Variants in FLT1 observed in about 807,000 individuals in gnomAD.
FLT1 encodes the protein fms related receptor tyrosine kinase 1, also known as vascular endothelial growth factor receptor 1.
FLT1 carries 49 observed loss-of-function variants against 156.3 expected under a neutral mutation model. The observed-to-expected ratio is 0.31, with a 90% CI of 0.25 to 0.40. FLT1 has a LOEUF of 0.40. FLT1 is among the 10% of genes least tolerant of loss of function. The pLI is 1.00. For missense variants in FLT1, 1,322 were observed against 1,637.2 expected, an observed-to-expected ratio of 0.81 and a Z score of 3.32; for synonymous variants, 594 against 583.8, an observed-to-expected ratio of 1.02 and a Z score of -0.25.
intron 14 of FLT1, among the ~76,000 whole-genome samples, chr13:28,384,050 T>C (rs1463314656): frequency 6.6e-6 from 1 of 152,210 alleles, no homozygotes; most frequent in Non-Finnish European, 1.5e-5. Context: ...CCCACTGGTG[T>C]AGATTTATGT....
chr13:28,412,942 A>AAGGAG lies in FLT1; in HGVS notation c.1437-7049_1437-7048insCTCCT, dbSNP rs1876400343. 2.0e-5 allele frequency among the ~76,000 whole-genome samples: 3 copies of AAGGAG among 152,046 alleles called. No individual in the cohort carries two copies. The South Asian group carries it at 6.2e-4, about 32-fold the overall frequency. ...GCGTAGCATTGGAAGGAGTGTTTAG[A>AAGGAG]CAGAATGGTTCCTGCTCCTCTTGCT... On this transcript the variant is annotated intron_variant, in intron 10 of 29. Coordinates refer to ENST00000282397, the MANE Select transcript of FLT1 (RefSeq NM_002019.4).
intron 10 of FLT1, among the ~76,000 whole-genome samples, chr13:28,413,149 C>T (rs963287419): frequency 2.0e-5 from 3 of 151,992 alleles, no homozygotes; most frequent in African/African-American, 4.8e-5. Flanking sequence ...GGCTTTGGGT[C>T]GGCTCCCTGG....
At chr13:28,467,349 G>A (rs1404105128) in intron 2 of FLT1, among the ~76,000 whole-genome samples, 172 bp downstream of exon 2, 1 of 152,072 alleles carries the variant, frequency 6.6e-6, no homozygotes, top group Non-Finnish European at 1.5e-5. Context: ...CCCTGAGTGA[G>A]TAATGCTCTC....
intron 10 of FLT1, among the ~76,000 whole-genome samples, chr13:28,413,785 C>T (rs1593764759): frequency 6.6e-6 from 1 of 152,102 alleles, no homozygotes; most frequent in African/African-American, 2.4e-5. Flanking sequence ...CTGAAACATC[C>T]AGAAAGCTTT....
At chr13:28,319,310 GT>G (rs1275386760) in intron 24 of FLT1, 112 bp downstream of exon 24, 2 of 736,902 alleles carry the variant, frequency 2.7e-6, no homozygotes, top group Non-Finnish European at 4.8e-6. Context: ...CACTTTAAGA[GT>G]TTTTTGTTAC....
Position 28,340,413 on chromosome 13 carries a change from G to A in FLT1, c.2356-1113C>T, listed in dbSNP as rs75361282. On this transcript the variant is annotated intron_variant, in intron 16 of 29. Coordinates refer to ENST00000282397, the MANE Select transcript of FLT1 (RefSeq NM_002019.4). ...ACCCTTCATTTCAGATCATAGATAA[G>A]TGGATTTACATTTAATGTCTTAGAT... Among the ~76,000 whole-genome samples, 386 of 152,266 alleles carry A rather than the reference G, an allele frequency of 2.5e-3. 10 individuals carry two copies. In the East Asian group the frequency reaches 0.064, roughly 25 times the overall value.
At chr13:28,318,315 TG>T (rs1871288186) in intron 24 of FLT1, among the ~76,000 whole-genome samples, 1 of 151,270 alleles carries the variant, frequency 6.6e-6, no homozygotes, top group Admixed American at 6.6e-5. Context: ...TGGAATGGGG[TG>T]GGGGCTGCCC....
intron 14 of FLT1, among the ~76,000 whole-genome samples, chr13:28,365,603 T>C (rs7337515): frequency 0.96 from 145,535 of 152,238 alleles, 69,792 homozygotes; most frequent in East Asian, 1. Flanking sequence ...TCGCCAACCT[T>C]GGCCTCCCAA....
chr13:28,303,232 T>C lies in FLT1; in HGVS notation c.3952A>G (p.Ile1318Val), dbSNP rs1376117684. Residue 1318 changes from isoleucine (I) to valine (V), a missense_variant, in exon 30 of 30, where the codon ATC becomes GTC. Physicochemically the swap from Ile to Val is conservative, Grantham distance 29. This residue lies in a region of FLT1 where 329 missense variants were observed against 366.2 expected (regional missense o/e 0.90). Transcript: ENST00000282397. ...TYDHAELERK[I>V]ACCSPPPDYN... is the part of the protein sequence containing the mutation. ...TCTGGGGGCGGGGAGCAGCACGCGA[T>C]TTTCCTTTCCAGCTCAGCGTGGTCG... 6.2e-7 allele frequency: 1 copy of C among 1,613,702 alleles called. No individual in the cohort carries two copies. The highest frequency in any genetic ancestry group is 8.5e-7 in the Non-Finnish European group (1 of 1,179,970).
intron 28 of FLT1, among the ~76,000 whole-genome samples, chr13:28,307,920 C>G (rs1341049730): frequency 6.6e-6 from 1 of 152,142 alleles, no homozygotes; most frequent in Non-Finnish European, 1.5e-5. Flanking sequence ...TACAGGAGCC[C>G]ACCACCACGC....
chr13:28,300,676 T>C lies in FLT1; in HGVS notation c.*2491A>G, dbSNP rs188403334. 3.0e-5 allele frequency: 7 copies of C among 233,134 alleles called. No homozygotes were observed. The highest frequency in any genetic ancestry group is 5.1e-5 in the Non-Finnish European group (6 of 118,010). 14.4% of individuals were successfully genotyped at this position (233,134 alleles called of 1,614,324 possible). ...GGCTAGGAAACAAGGCACGGGTCCC[T>C]AAAATTAACATCTCGGTGTCACTTC... On this transcript the variant is annotated 3_prime_UTR_variant, in exon 30 of 30. Coordinates refer to ENST00000282397, the MANE Select transcript of FLT1 (RefSeq NM_002019.4).
chr13:28,354,503 T>A (rs749827965), intron 15 of FLT1, among the ~76,000 whole-genome samples: 10 of 152,196 alleles, frequency 6.6e-5, no homozygotes, highest in Non-Finnish European at 1.3e-4. Flanking sequence ...GTTACCCCCA[T>A]GTTGTCTCTT....
At chr13:28,476,167 A>G (rs1481970232) in intron 1 of FLT1, among the ~76,000 whole-genome samples, 2 of 152,114 alleles carry the variant, frequency 1.3e-5, no homozygotes, top group African/African-American at 2.4e-5. Flanking sequence ...GCATGCATAC[A>G]CTTTTCTCTC....
chr13:28,395,038 G>A (rs574322410), intron 12 of FLT1, among the ~76,000 whole-genome samples: 1 of 152,232 alleles, frequency 6.6e-6, no homozygotes, highest in African/African-American at 2.4e-5. Flanking sequence ...GGTAAGGGGC[G>A]GAGAGGGGAG....
At chr13:28,411,652 G>C (rs1876199210) in intron 10 of FLT1, among the ~76,000 whole-genome samples, 1 of 151,694 alleles carries the variant, frequency 6.6e-6, no homozygotes, top group African/African-American at 2.4e-5. Context: ...TGCTCAGTGA[G>C]CATGTTCTGG....
chr13:28,339,124 T>G (rs200397496), intron 17 of FLT1, 44 bp downstream of exon 17: 1 of 1,585,786 alleles, frequency 6.3e-7, no homozygotes, highest in Non-Finnish European at 8.7e-7. Context: ...TCATGTAATA[T>G]GTGCTCAGTA....
intron 25 of FLT1, among the ~76,000 whole-genome samples, chr13:28,315,358 C>T (rs987371210): frequency 6.6e-6 from 1 of 152,162 alleles, no homozygotes; most frequent in Admixed American, 6.5e-5. Context: ...AGTTCGAGAC[C>T]AGCCTGGCCA....
At chr13:28,462,151 C>T (rs756942205) in intron 3 of FLT1, among the ~76,000 whole-genome samples, 41 of 152,244 alleles carry the variant, frequency 2.7e-4, no homozygotes, top group Non-Finnish European at 5.6e-4. Context: ...GAGCTCAACA[C>T]CCTAAGTTTA....
chr13:28,308,059 A>G (rs1870827802), intron 28 of FLT1, among the ~76,000 whole-genome samples: 1 of 152,214 alleles, frequency 6.6e-6, no homozygotes, highest in Admixed American at 6.5e-5. Flanking sequence ...GGCTTGAGCC[A>G]CTGCGCCCGG....
Sources: allele counts gnomAD v4.1 joint callset (sites outside exome capture counted in the v4.1 genomes callset), GRCh38; gene constraint gnomAD v4.1.1; regional missense constraint gnomAD v4.1.1; transcripts MANE v1.5; gene names NCBI Gene and HGNC (gene_info 2026-07-23, HGNC 2026-07-21).